AQP7: variants seen among roughly 807,000 people sequenced by gnomAD.
AQP7 encodes the protein aquaporin 7.
In AQP7, 22 loss-of-function variants were observed where a neutral mutation model predicts 26.1. The observed-to-expected ratio is 0.84, with a 90% CI of 0.60 to 1.20. The LOEUF is 1.20. Among genes scored for constraint, AQP7 ranks in the 50% most tolerant of loss-of-function variants. The pLI, the probability that AQP7 is intolerant of heterozygous loss-of-function variation, is 0.00. For synonymous variants in AQP7, 167 were observed against 181.7 expected, an observed-to-expected ratio of 0.92 and a Z score of 0.65; for missense variants, 412 against 457.5, an observed-to-expected ratio of 0.90 and a Z score of 0.91.
chr9:33,384,941 G>A lies in AQP7; in HGVS notation c.*64C>T, dbSNP rs1014957126. On this transcript the variant is annotated 3_prime_UTR_variant, in exon 8 of 8. Transcript: ENST00000297988. ...ACCACAGGAGGCCCCCAGGAAGTGG[G>A]GGTACTGCTGTCGGACAAGCCTTGC... 6.5e-7 allele frequency: 1 copy of A among 1,530,818 alleles called. No homozygotes were observed. The highest frequency in any genetic ancestry group is 1.4e-5 in the African/African-American group (1 of 72,830). 94.8% of individuals were successfully genotyped at this position (1,530,818 alleles called of 1,614,324 possible).
intron 2 of AQP7, among the ~76,000 whole-genome samples, chr9:33,397,617 C>T (rs1046731872): frequency 6.6e-6 from 1 of 152,130 alleles, no homozygotes; most frequent in African/African-American, 2.4e-5. Flanking sequence ...ATGTTTTATT[C>T]CATGCCTGGA....
chr9:33,390,310 G>A (rs1463208000), intron 3 of AQP7, among the ~76,000 whole-genome samples: 1 of 151,996 alleles, frequency 6.6e-6, no homozygotes, highest in Admixed American at 6.5e-5. Flanking sequence ...AGAAGTGGAG[G>A]GGTCCTCCAG....
Position 33,401,163 on chromosome 9 carries a change from G to A in AQP7, c.26+74C>T. The A allele has an allele frequency of 5.3e-6, 8 of 1,499,260 alleles. No homozygotes were observed. In the South Asian group the frequency reaches 9.6e-5, roughly 18 times the overall value. 92.9% of individuals were successfully genotyped at this position (1,499,260 alleles called of 1,614,324 possible). A position where few individuals can be genotyped will look rare whatever the true frequency, so the allele number is the denominator to read the frequency against. ...TGCCCCAAGGGAGAGGCTGAGGATG[G>A]AACAGGGAGGGCACTGAAGTGGGCT... is the stretch of plus-strand genomic sequence containing the variant. On this transcript the variant is annotated intron_variant, in intron 2 of 7. Coordinates refer to ENST00000297988, the MANE Select transcript of AQP7 (RefSeq NM_001170.3).
At chr9:33,401,308 C>G in intron 1 of AQP7, 21 bp from the exon 2 acceptor site, 1 of 1,543,644 alleles carries the variant, frequency 6.5e-7, no homozygotes, top group Non-Finnish European at 8.8e-7. Flanking sequence ...AAAGAGAGGT[C>G]ACTAGGGCTG....
At chr9:33,401,443 T>C in intron 1 of AQP7, 156 bp from the exon 2 acceptor site, 5 of 662,650 alleles carry the variant, frequency 7.5e-6, no homozygotes, top group Non-Finnish European at 1.3e-5. Context: ...GGAGCGGTGC[T>C]CAGCCAATGA....
At chr9:33,386,801 C>T (rs1399633697) in intron 4 of AQP7, among the ~76,000 whole-genome samples, 168 bp downstream of exon 4, 3 of 152,194 alleles carry the variant, frequency 2.0e-5, no homozygotes, top group Non-Finnish European at 2.9e-5. Flanking sequence ...CAGGAAGAAT[C>T]TGGGGCAAAC....
chr9:33,395,037 C>G, intron 3 of AQP7, 41 bp downstream of exon 3: 1 of 1,568,290 alleles, frequency 6.4e-7, no homozygotes, highest in South Asian at 1.1e-5. Context: ...ATGGACGGCC[C>G]TGGCGGAGCC....
intron 2 of AQP7, among the ~76,000 whole-genome samples, chr9:33,398,109 C>A (rs1340715592): frequency 6.6e-6 from 1 of 151,814 alleles, no homozygotes; most frequent in African/African-American, 2.4e-5. Flanking sequence ...GTAGGAGGCT[C>A]CCAGAGAAAG....
intron 3 of AQP7, among the ~76,000 whole-genome samples, chr9:33,389,719 G>T (rs1371566474): frequency 2.0e-5 from 3 of 152,140 alleles, no homozygotes; most frequent in Non-Finnish European, 4.4e-5. Context: ...AGAGGAGAAG[G>T]CCCCAGGAGA....
chr9:33,393,330 G>A (rs1228763953), intron 3 of AQP7, among the ~76,000 whole-genome samples: 1 of 152,236 alleles, frequency 6.6e-6, no homozygotes, highest in Non-Finnish European at 1.5e-5. Context: ...CAAAGCCCAC[G>A]AAAGCCTAAT....
Position 33,401,412 on chromosome 9 carries a change from C to T in AQP7, c.-25-125G>A. ...TCCTGCTAGTGCCACTCCCTTAACC[C>T]AGCCAAGGAACAGGGAGGGAGGAGC... On this transcript the variant is annotated intron_variant, in intron 1 of 7. Coordinates refer to ENST00000297988, the MANE Select transcript of AQP7 (RefSeq NM_001170.3). 5.1e-6 allele frequency: 4 copies of T among 791,544 alleles called. No individual in the cohort carries two copies. In the South Asian group the frequency reaches 6.3e-5, roughly 13 times the overall value. The allele number at this position is 791,544 out of a possible 1,614,324, so 49.0% of individuals were successfully genotyped here.
chr9:33,391,776 C>A (rs951328108), intron 3 of AQP7, among the ~76,000 whole-genome samples: 2 of 152,184 alleles, frequency 1.3e-5, no homozygotes, highest in African/African-American at 4.8e-5. Flanking sequence ...ACACAATGTC[C>A]GATATAGGCT....
chr9:33,399,360 C>T (rs532273897), intron 2 of AQP7, among the ~76,000 whole-genome samples: 4 of 152,000 alleles, frequency 2.6e-5, no homozygotes, highest in South Asian at 2.1e-4. Flanking sequence ...TTTAGGAGGC[C>T]GAGGCAGGTG....
At chr9:33,392,561 C>T (rs952679352) in intron 3 of AQP7, among the ~76,000 whole-genome samples, 2 of 152,140 alleles carry the variant, frequency 1.3e-5, no homozygotes, top group African/African-American at 4.8e-5. Flanking sequence ...CAGATGTGGG[C>T]AGGTATCAAG....
Position 33,387,225 on chromosome 9 carries a change from C to T in AQP7, c.145-133G>A, listed in dbSNP as rs4008661. The T allele has an allele frequency of 7.2e-4, 758 of 1,050,250 alleles. 5 individuals are homozygous for T. Among genetic ancestry groups the T allele is most frequent in the Middle Eastern group, 2.3e-3 (7 of 3,108 alleles). 65.1% of individuals were successfully genotyped at this position (1,050,250 alleles called of 1,614,324 possible). A position where few individuals can be genotyped will look rare whatever the true frequency, so the allele number is the denominator to read the frequency against. ...GCATTGCCTCGAAGACCCGCTGCCA[C>T]GCCCTCTTCCTCCAGAGCCTTCCCT... On this transcript the variant is annotated intron_variant, in intron 3 of 7. Transcript: ENST00000297988.
Position 33,385,355 on chromosome 9 carries a change from C to T in AQP7, c.744-65G>A, listed in dbSNP as rs201299471. On this transcript the variant is annotated intron_variant, in intron 7 of 7. Transcript: ENST00000297988. ...CCCAGGACAGCACCCTCATCCACCT[C>T]GGGCCAAGACAGGTTGAGCAGAGGA... 9.8e-6 allele frequency: 15 copies of T among 1,535,162 alleles called. No individual in the cohort carries two copies. The highest frequency in any genetic ancestry group is 1.2e-5 in the Non-Finnish European group (14 of 1,139,504).
chr9:33,386,663 G>C (rs1824839011), intron 4 of AQP7, 122 bp from the exon 5 acceptor site: 1 of 1,356,054 alleles, frequency 7.4e-7, no homozygotes, highest in Non-Finnish European at 1.0e-6. Context: ...CTCTCTCCTT[G>C]AGCCCTCACA....
At position 33,386,146 on chromosome 9, in the gene AQP7, G is replaced by A. The variant is rs76209395; in HGVS notation, c.456C>T (p.Val152=). The change falls in exon 6 of 8, where the codon GTC becomes GTT. Residue 152 remains valine, a synonymous_variant. Transcript: ENST00000297988. The part of the protein sequence containing the change: ...SGGQLMVTGP[V]ATAGIFATYL... ...AGGTGGCAAAAATGCCAGCTGTAGC[G>A]ACGGGACCGGTCACCATCAGCTGTC... is the stretch of plus-strand genomic sequence containing the variant. 1.1e-4 allele frequency: 172 copies of A among 1,613,896 alleles called. No individual in the cohort carries two copies. The highest frequency in any genetic ancestry group is 1.7e-4 in the Admixed American group (10 of 60,012).
intron 2 of AQP7, among the ~76,000 whole-genome samples, chr9:33,398,898 C>T (rs966443106): frequency 2.6e-5 from 4 of 152,056 alleles, no homozygotes; most frequent in African/African-American, 9.7e-5. Flanking sequence ...ACCAGATTCC[C>T]TAAGTAATCT....
Sources: gnomAD v4.1 joint callset for allele counts (sites outside exome capture counted in the v4.1 genomes callset) on GRCh38, gnomAD v4.1.1 for gene constraint, MANE v1.5 for transcripts, NCBI Gene and HGNC (gene_info 2026-07-23, HGNC 2026-07-21) for gene names.